Variants in ATP2B3 observed in about 807,000 individuals in gnomAD.
ATP2B3 encodes plasma membrane calcium-transporting ATPase 3.
ATP2B3 carries 12 observed loss-of-function variants against 70.8 expected under a neutral mutation model. The ratio of observed to expected loss-of-function variants is 0.17; its 90% CI spans 0.11 to 0.27. The LOEUF (loss-of-function observed/expected upper bound fraction) is 0.27, where lower values mean the gene tolerates loss of function less well. Ranked by LOEUF, ATP2B3 falls within the 10% of genes least tolerant of loss-of-function variation. ATP2B3 has a pLI of 1.00. For missense variants in ATP2B3, 858 were observed against 1,118.5 expected, an observed-to-expected ratio of 0.77 and a Z score of 3.32; for synonymous variants, 460 against 497.8, an observed-to-expected ratio of 0.92 and a Z score of 1.01.
intron 18 of ATP2B3, 60 bp from the exon 19 acceptor site, chrX:153,560,616 C>A: frequency 3.4e-6 from 4 of 1,161,344 alleles, no homozygotes; most frequent in Non-Finnish European, 4.7e-6. Context: ...AAGTCTCGCT[C>A]CTGAGTAATG....
chrX:153,526,445 G>A (rs918573076), intron 2 of ATP2B3, among the ~76,000 whole-genome samples: 9 of 111,854 alleles, frequency 8.0e-5, no homozygotes, highest in African/African-American at 2.9e-4. Context: ...CCTGGAGCAC[G>A]GCAGGAACTT....
Position 153,536,139 on chromosome X carries a change from C to A in ATP2B3, c.-109C>A. ...CTCCCCAGGTGTCCACGCTTAGCAGCTTTCTCACCGCCGCCAAACCTTGCC... is the reference window on the plus strand; with the variant it reads ...CTCCCCAGGTGTCCACGCTTAGCAGATTTCTCACCGCCGCCAAACCTTGCC... On this transcript the variant is annotated 5_prime_UTR_variant, in exon 3 of 22. Transcript: ENST00000263519. 1.1e-6 allele frequency: 1 copy of A among 920,887 alleles called. No homozygotes were observed. The highest frequency in any genetic ancestry group is 1.5e-6 in the Non-Finnish European group (1 of 649,440). The allele number at this position is 920,887 out of a possible 1,213,427, so 75.9% of individuals were successfully genotyped here.
In ATP2B3 at chrX:153,580,007, G is replaced by A. The variant is rs112650403; in HGVS notation, c.3372G>A (p.Ser1124=). 265 of 1,206,396 alleles carry A rather than the reference G, an allele frequency of 2.2e-4. No individual in the cohort carries two copies. The highest frequency in any genetic ancestry group is 1.0e-3 in the African/African-American group (57 of 56,880). ...QIRVVKAFRS[S]LYEGLEKPES... ...GGGTGGTGAAAGCGTTCCGTAGCTC[G>A]CTCTATGAAGGCCTGGAGAAACCAG... is the stretch of plus-strand genomic sequence containing the variant. Residue 1124 remains serine (S), a synonymous_variant, in exon 22 of 22, where the codon TCG becomes TCA. Transcript: ENST00000263519.
chrX:153,565,007 G>C lies in ATP2B3; in HGVS notation c.3246G>C (p.Glu1082Asp). 6 of 1,200,944 alleles carry C rather than the reference G, an allele frequency of 5.0e-6. No individual in the cohort carries two copies. Among genetic ancestry groups the C allele is most frequent in the Non-Finnish European group, 6.7e-6 (6 of 889,669 alleles). The change falls in exon 21 of 22, where the codon GAG (glutamate) becomes GAC (aspartate). Residue 1082 changes from glutamate (E) to aspartate (D), a missense_variant. By Grantham distance (45) the Glu-to-Asp change is conservative. Transcript: ENST00000263519. ...GPGKDEMTDE[E>D]LAEGEEEIDH... ...GGAAGGACGAGATGACCGACGAGGAGCTGGCCGAAGGCGAGGAAGAGATCG... is the reference window on the plus strand; with the variant it reads ...GGAAGGACGAGATGACCGACGAGGACCTGGCCGAAGGCGAGGAAGAGATCG...
intron 21 of ATP2B3, chrX:153,569,654 C>T (rs1557019280): frequency 3.7e-5 from 45 of 1,211,265 alleles, no homozygotes; most frequent in Non-Finnish European, 5.0e-5. Flanking sequence ...GGGTGCTGTG[C>T]GCCGGCGGTC....
chrX:153,546,414 C>T lies in ATP2B3; in HGVS notation c.958+285C>T, dbSNP rs188811269. Among the ~76,000 whole-genome samples the T allele has an allele frequency of 4.4e-5, 5 of 112,647 alleles. 1 individual carries two copies. The highest frequency in any genetic ancestry group is 2.8e-4 in the East Asian group (1 of 3,556). On this transcript the variant is annotated intron_variant, in intron 8 of 21. Coordinates refer to ENST00000263519, the MANE Select transcript of ATP2B3 (RefSeq NM_001001344.3). ...GGCATAAGGATCACCTGTGAGTGGG[C>T]GCCCCGAGTCCACTCTGGCCAGATG...
At chrX:153,571,267 C>T (rs985807943) in intron 21 of ATP2B3, among the ~76,000 whole-genome samples, 1 of 112,517 alleles carries the variant, frequency 8.9e-6, no homozygotes, top group African/African-American at 3.2e-5. Flanking sequence ...TGGTTCGTGG[C>T]CTCCCAGCAC....
At position 153,547,903 on chromosome X, in the gene ATP2B3, G is replaced by A; in HGVS notation, c.1027G>A (p.Glu343Lys). Reference protein sequence around the residue: ...PLKSAEGGEMEEREKKKANAP... With the variant: ...PLKSAEGGEMKEREKKKANAP... ...GAAGAGCGCGGAGGGTGGGGAGATG[G>A]AGGAGCGGGAGAAGAAGAAAGCCAA... is the stretch of plus-strand genomic sequence containing the variant. The change falls in exon 9 of 22, where the codon GAG (glutamate) becomes AAG (lysine). Residue 343 changes from glutamate (E) to lysine (K), a missense_variant. Glu to Lys is a moderately conservative substitution (Grantham distance 56). Coordinates refer to ENST00000263519, the MANE Select transcript of ATP2B3 (RefSeq NM_001001344.3). 2 of 1,211,299 alleles carry A rather than the reference G, an allele frequency of 1.7e-6. No individual in the cohort carries two copies. The highest frequency in any genetic ancestry group is 2.2e-6 in the Non-Finnish European group (2 of 895,180).
chrX:153,580,539 G>T lies in ATP2B3; in HGVS notation c.*241G>T. ...AGACGAGGACAGGGAGGAGGAAAAGGAGGAAGAGGAGGACAAAAAGGGGGA... is the reference window on the plus strand; with the variant it reads ...AGACGAGGACAGGGAGGAGGAAAAGTAGGAAGAGGAGGACAAAAAGGGGGA... On this transcript the variant is annotated 3_prime_UTR_variant, in exon 22 of 22. Transcript: ENST00000263519. 2.9e-6 allele frequency: 1 copy of T among 343,196 alleles called. No homozygotes were observed. The highest frequency in any genetic ancestry group is 4.2e-5 in the East Asian group (1 of 23,818). The allele number at this position is 343,196 out of a possible 1,213,427, so 28.3% of individuals were successfully genotyped here. A position where few individuals can be genotyped will look rare whatever the true frequency, so the allele number is the denominator to read the frequency against.
chrX:153,542,584 A>C (rs1371602803), intron 6 of ATP2B3, 136 bp downstream of exon 6: 47 of 901,607 alleles, frequency 5.2e-5, no homozygotes, highest in Non-Finnish European at 6.9e-5. Context: ...CAGGTTGGGA[A>C]TCTGAAGACT....
intron 21 of ATP2B3, among the ~76,000 whole-genome samples, 168 bp downstream of exon 21, chrX:153,565,271 C>T (rs2090688470): frequency 2.6e-5 from 3 of 113,625 alleles, no homozygotes; most frequent in South Asian, 3.5e-4. Context: ...TTTGCCATTC[C>T]GGGCTGTGCC....
rs370570757 is a variant in ATP2B3 at position 153,550,040 on chromosome X, T to C, written c.1582-5T>C. 125 of 1,206,386 alleles carry C rather than the reference T, an allele frequency of 1.0e-4. No individual in the cohort carries two copies. The highest frequency in any genetic ancestry group is 4.9e-4 in the Middle Eastern group (2 of 4,120). On this transcript the variant is annotated splice_polypyrimidine_tract_variant and splice_region_variant and intron_variant, in intron 11 of 21. Coordinates refer to ENST00000263519, the MANE Select transcript of ATP2B3 (RefSeq NM_001001344.3). ...CAGTGCCTGCTAGCCCTCGTCATCT[T>C]GCAGCCTCCTGAGAAGGAAGGCGCC... is the stretch of plus-strand genomic sequence containing the variant.
At chrX:153,569,301 G>A (rs1557019141) in intron 21 of ATP2B3, 9 of 532,330 alleles carry the variant, frequency 1.7e-5, no homozygotes, top group Non-Finnish European at 2.4e-5. Context: ...CTGATAAGTG[G>A]CTTGCAAGGG....
intron 2 of ATP2B3, among the ~76,000 whole-genome samples, chrX:153,530,003 G>A (rs1332818242): frequency 3.5e-5 from 4 of 112,861 alleles, no homozygotes; most frequent in Admixed American, 2.8e-4. Context: ...TTTGGCTATT[G>A]TGAGTAATGT....
intron 7 of ATP2B3, among the ~76,000 whole-genome samples, chrX:153,543,758 G>A (rs1387590623): frequency 1.8e-4 from 20 of 113,294 alleles, no homozygotes; most frequent in African/African-American, 6.4e-4. Context: ...TATTCAGGGA[G>A]GCCCTGATGG....
At chrX:153,565,147 G>C (rs782402034) in intron 21 of ATP2B3, 44 bp downstream of exon 21, 2 of 1,133,662 alleles carry the variant, frequency 1.8e-6, no homozygotes, top group Admixed American at 6.0e-5. Flanking sequence ...CACCCCAAGA[G>C]GGTAGAGGCA....
At position 153,558,252 on chromosome X, in the gene ATP2B3, G is replaced by A. The variant is rs782169937; in HGVS notation, c.2574G>A (p.Thr858=). The change falls in exon 17 of 22, where the codon ACG becomes ACA. Residue 858 remains threonine, a synonymous_variant. Coordinates refer to ENST00000263519, the MANE Select transcript of ATP2B3 (RefSeq NM_001001344.3). The part of the protein sequence containing the change: ...SISKFLQFQL[T]VNVVAVIVAF... ...CCAAGTTCCTGCAGTTTCAACTGAC[G>A]GTCAATGTGGTGGCTGTGATCGTGG... 9.1e-6 allele frequency: 11 copies of A among 1,210,255 alleles called. No individual in the cohort carries two copies. The African/African-American group carries it at 1.4e-4, about 15-fold the overall frequency.
At chrX:153,542,828 C>T (rs1396007151) in intron 6 of ATP2B3, among the ~76,000 whole-genome samples, 1 of 113,305 alleles carries the variant, frequency 8.8e-6, no homozygotes, top group Non-Finnish European at 1.9e-5. Context: ...CAGTTGGAAA[C>T]GTAGTGTGAA....
chrX:153,560,606 A>T (rs1209713224), intron 18 of ATP2B3, 70 bp from the exon 19 acceptor site: 1 of 1,104,517 alleles, frequency 9.1e-7, no homozygotes, highest in Non-Finnish European at 1.2e-6. Flanking sequence ...CTACACACCG[A>T]AGTCTCGCTC....
Sources: allele counts gnomAD v4.1 joint callset (sites outside exome capture counted in the v4.1 genomes callset), GRCh38; gene constraint gnomAD v4.1.1; transcripts MANE v1.5; gene names NCBI Gene and HGNC (gene_info 2026-07-23, HGNC 2026-07-21).